BRAF: variants seen among roughly 807,000 people sequenced by gnomAD.
BRAF encodes B-Raf proto-oncogene, serine/threonine kinase, also known as serine/threonine-protein kinase B-raf.
A neutral mutation model predicts 104.6 loss-of-function variants in BRAF; 16 were observed. That is an observed-to-expected ratio of 0.15 (90% CI 0.10 to 0.23). The LOEUF is 0.23. BRAF is among the 10% of genes least tolerant of loss of function. The pLI is 1.00. For missense variants in BRAF, 541 were observed against 937.3 expected (o/e 0.58, Z 5.52); for synonymous variants, 310 against 341.6 (o/e 0.91, Z 1.02).
chr7:140,779,273 C>A (rs954160062), intron 12 of BRAF, among the ~76,000 whole-genome samples: 2 of 152,046 alleles, frequency 1.3e-5, no homozygotes, highest in African/African-American at 4.8e-5. Context: ...TGCTCTGTCA[C>A]CTAGGCTGGA....
chr7:140,757,192 G>C lies in BRAF; in HGVS notation c.1815-2959C>G, dbSNP rs539615432. On this transcript the variant is annotated intron_variant, in intron 14 of 19. Coordinates refer to ENST00000644969, the MANE Select transcript of BRAF (RefSeq NM_001374258.1). ...AATTTTTAAAAAAGGGCACAAAAAG[G>C]ATTATATTCAATTACAATCCTAGAA... 2.6e-5 allele frequency among the ~76,000 whole-genome samples: 4 copies of C among 152,204 alleles called. No individual in the cohort carries two copies. In the East Asian group the frequency reaches 7.7e-4, roughly 29 times the overall value.
At chr7:140,891,647 T>TAACAC (rs1814233276) in intron 1 of BRAF, among the ~76,000 whole-genome samples, 1 of 152,090 alleles carries the variant, frequency 6.6e-6, no homozygotes, top group African/African-American at 2.4e-5. Context: ...TTTAGTGCAT[T>TAACAC]GTGTTCCTCG....
intron 8 of BRAF, among the ~76,000 whole-genome samples, chr7:140,793,155 T>G (rs1802152114): frequency 6.6e-6 from 1 of 152,126 alleles, no homozygotes; most frequent in Non-Finnish European, 1.5e-5. Flanking sequence ...ACACTCTAAA[T>G]GAAGCCCAAC....
chr7:140,874,860 C>G (rs1812037330), intron 1 of BRAF, among the ~76,000 whole-genome samples: 1 of 152,124 alleles, frequency 6.6e-6, no homozygotes, highest in African/African-American at 2.4e-5. Flanking sequence ...TAACACCATC[C>G]CCCTTAGTGC....
intron 1 of BRAF, among the ~76,000 whole-genome samples, chr7:140,875,889 T>C (rs368715903): frequency 4.6e-5 from 7 of 152,168 alleles, no homozygotes; most frequent in Non-Finnish European, 7.4e-5. Flanking sequence ...TATTTTCAGA[T>C]AAATGGGAAC....
chr7:140,798,272 C>CTTTCTTTTTTTT (rs1554402875), intron 7 of BRAF, among the ~76,000 whole-genome samples: 5 of 115,614 alleles, frequency 4.3e-5, no homozygotes, highest in Admixed American at 1.1e-4. Flanking sequence ...CTTTTTTTTT[C>CTTTCTTTTTTTT]TTTTTTTTGA....
At chr7:140,766,475 A>G (rs532408761) in intron 14 of BRAF, among the ~76,000 whole-genome samples, 1 of 151,694 alleles carries the variant, frequency 6.6e-6, no homozygotes, top group East Asian at 1.9e-4. Context: ...AAAAGAAAAT[A>G]AACATACAGA....
intron 2 of BRAF, chr7:140,835,998 A>C (rs1362708279): frequency 6.6e-6 from 1 of 152,168 alleles, no homozygotes; most frequent in Non-Finnish European, 1.5e-5. Context: ...TCTTGACACA[A>C]AGTAATAATG....
Position 140,721,990 on chromosome 7 carries a change from T to C in BRAF, c.*4504A>G, listed in dbSNP as rs1795346508. The C allele has an allele frequency of 8.4e-7, 1 of 1,186,484 alleles. No individual in the cohort carries two copies. Among genetic ancestry groups the C allele is most frequent in the Non-Finnish European group, 1.0e-6 (1 of 959,348 alleles). The allele number at this position is 1,186,484 out of a possible 1,614,324, so 73.5% of individuals were successfully genotyped here. A position where few individuals can be genotyped will look rare whatever the true frequency, so the allele number is the denominator to read the frequency against. ...AAACTGATAAAACCAAATTCGGTCC[T>C]ATATTTCAATTTCCCCTTCTAAGTT... On this transcript the variant is annotated 3_prime_UTR_variant, in exon 20 of 20. Transcript: ENST00000644969.
At chr7:140,851,414 T>C (rs1809147238) in intron 1 of BRAF, among the ~76,000 whole-genome samples, 1 of 152,132 alleles carries the variant, frequency 6.6e-6, no homozygotes, top group African/African-American at 2.4e-5. Context: ...ATGTCAGATA[T>C]CAATTTTTAA....
At chr7:140,747,440 C>T (rs767899322) in intron 17 of BRAF, 5 of 1,288,404 alleles carry the variant, frequency 3.9e-6, no homozygotes, top group Non-Finnish European at 5.1e-6. Flanking sequence ...CCATGGAGGA[C>T]AAAGCACCTA....
intron 17 of BRAF, among the ~76,000 whole-genome samples, chr7:140,742,440 C>T (rs1420255744): frequency 2.6e-5 from 4 of 151,956 alleles, no homozygotes; most frequent in East Asian, 1.9e-4. Flanking sequence ...GTGATCCACC[C>T]GCCTCAGCCT....
intron 1 of BRAF, among the ~76,000 whole-genome samples, chr7:140,866,624 G>A (rs1475562030): frequency 1.3e-5 from 2 of 152,192 alleles, no homozygotes; most frequent in African/African-American, 4.8e-5. Flanking sequence ...CCTGAGGCTA[G>A]AGAAATAATA....
At chr7:140,853,031 TTC>T (rs1189396100) in intron 1 of BRAF, among the ~76,000 whole-genome samples, 1 of 152,140 alleles carries the variant, frequency 6.6e-6, no homozygotes, top group African/African-American at 2.4e-5. Context: ...CCACCTTCAT[TTC>T]TCTGTTAGTT....
intron 17 of BRAF, chr7:140,748,984 T>G: frequency 2.9e-6 from 1 of 348,956 alleles, no homozygotes; most frequent in South Asian, 2.9e-5. Context: ...GCCCAGATGC[T>G]ATAGTAGCAG....
At chr7:140,854,492 CT>C (rs914133464) in intron 1 of BRAF, among the ~76,000 whole-genome samples, 35 of 147,966 alleles carry the variant, frequency 2.4e-4, no homozygotes, top group East Asian at 7.8e-4. Flanking sequence ...CCCACACTCC[CT>C]TTTTTTTTTC....
chr7:140,745,602 C>T (rs571423681), intron 17 of BRAF, among the ~76,000 whole-genome samples: 28 of 152,302 alleles, frequency 1.8e-4, no homozygotes, highest in African/African-American at 6.7e-4. Context: ...ACACTCAGTA[C>T]TCCTGGTGTC....
At chr7:140,734,596 T>G in intron 19 of BRAF, 1 of 1,613,708 alleles carries the variant, frequency 6.2e-7, no homozygotes, top group Non-Finnish European at 8.5e-7. Flanking sequence ...ACTCATTTGT[T>G]TCAGTGGACA....
At chr7:140,752,177 G>GT (rs1797846803) in intron 16 of BRAF, among the ~76,000 whole-genome samples, 1 of 152,098 alleles carries the variant, frequency 6.6e-6, no homozygotes, top group Non-Finnish European at 1.5e-5. Context: ...AAAAAGTTTA[G>GT]TAAGAAGAAT....
Sources: allele counts gnomAD v4.1 joint callset (sites outside exome capture counted in the v4.1 genomes callset), GRCh38; gene constraint gnomAD v4.1.1; transcripts MANE v1.5; gene names NCBI Gene and HGNC (gene_info 2026-07-23, HGNC 2026-07-21).